MAP3K20: variants seen among roughly 807,000 people sequenced by gnomAD.
The protein encoded by MAP3K20 is mitogen-activated protein kinase kinase kinase 20.
In MAP3K20, 40 loss-of-function variants were observed where a neutral mutation model predicts 85.7. That is an observed-to-expected ratio of 0.47 (90% CI 0.36 to 0.61). The LOEUF is 0.61. Ranked by LOEUF, MAP3K20 falls within the 20% of genes least tolerant of loss-of-function variation. The pLI, the probability that MAP3K20 is intolerant of heterozygous loss-of-function variation, is 0.00. For missense variants in MAP3K20, 817 were observed against 961.7 expected (o/e 0.85, Z 1.99); for synonymous variants, 325 against 327.7 (o/e 0.99, Z 0.09).
intron 2 of MAP3K20, among the ~76,000 whole-genome samples, chr2:173,122,504 A>G: frequency 6.6e-6 from 1 of 152,238 alleles, no homozygotes; most frequent in South Asian, 2.1e-4. Context: ...AGGAGGATTT[A>G]TGGTATATGC....
At chr2:173,186,775 C>T (rs183300974) in intron 4 of MAP3K20, among the ~76,000 whole-genome samples, 42 of 151,722 alleles carry the variant, frequency 2.8e-4, no homozygotes, top group African/African-American at 9.2e-4. Flanking sequence ...GTAGACAATA[C>T]GTAAATACAG....
At chr2:173,242,997 G>A (rs905033269) in intron 16 of MAP3K20, among the ~76,000 whole-genome samples, 5 of 152,080 alleles carry the variant, frequency 3.3e-5, no homozygotes, top group Non-Finnish European at 7.4e-5. Flanking sequence ...GAGCCACCGC[G>A]CCCAGCCCAG....
intron 2 of MAP3K20, among the ~76,000 whole-genome samples, chr2:173,128,202 A>G (rs1688499655): frequency 6.6e-6 from 1 of 152,148 alleles, no homozygotes; most frequent in Non-Finnish European, 1.5e-5. Flanking sequence ...CTTCTCCAGT[A>G]TTTCCAATGA....
At chr2:173,254,850 G>C (rs919933279) in intron 16 of MAP3K20, among the ~76,000 whole-genome samples, 1 of 152,212 alleles carries the variant, frequency 6.6e-6, no homozygotes, top group South Asian at 2.1e-4. Flanking sequence ...ACTAGGCAAC[G>C]ATGACATCAT....
At chr2:173,233,569 A>AC (rs1379844926) in intron 14 of MAP3K20, among the ~76,000 whole-genome samples, 96 of 152,200 alleles carry the variant, frequency 6.3e-4, no homozygotes, top group Non-Finnish European at 9.6e-4. Context: ...CCCCAAACCC[A>AC]CCCCCCATTC....
At chr2:173,264,383 T>C (rs1385795501) in intron 19 of MAP3K20, among the ~76,000 whole-genome samples, 3 of 152,186 alleles carry the variant, frequency 2.0e-5, no homozygotes, top group African/African-American at 7.2e-5. Flanking sequence ...CCATGCTCAA[T>C]AGGCTGCCTT....
intron 1 of MAP3K20, among the ~76,000 whole-genome samples, chr2:173,082,693 C>T (rs1285020665): frequency 1.3e-5 from 2 of 152,232 alleles, no homozygotes; most frequent in African/African-American, 4.8e-5. Flanking sequence ...CCCTAGAAAT[C>T]TCCCCTCTCC....
At chr2:173,181,647 C>G (rs898785047) in intron 3 of MAP3K20, among the ~76,000 whole-genome samples, 1 of 152,134 alleles carries the variant, frequency 6.6e-6, no homozygotes, top group Non-Finnish European at 1.5e-5. Flanking sequence ...TATCTATCAA[C>G]TGGGGACTGA....
At chr2:173,145,002 T>C (rs748848650) in intron 2 of MAP3K20, among the ~76,000 whole-genome samples, 2 of 152,098 alleles carry the variant, frequency 1.3e-5, no homozygotes, top group Non-Finnish European at 2.9e-5. Flanking sequence ...ATCTTTTTAA[T>C]AAATAGTGCT....
At chr2:173,263,667 T>A in intron 18 of MAP3K20, 78 bp from the exon 19 acceptor site, 1 of 1,407,034 alleles carries the variant, frequency 7.1e-7, no homozygotes, top group Non-Finnish European at 9.6e-7. Flanking sequence ...TTCTTTCCCA[T>A]TTTATATATG....
chr2:173,256,588 G>T (rs1409493221), intron 16 of MAP3K20, among the ~76,000 whole-genome samples: 3 of 152,018 alleles, frequency 2.0e-5, no homozygotes, highest in Non-Finnish European at 4.4e-5. Context: ...GGTCAAATTT[G>T]GTACAAAGAC....
intron 10 of MAP3K20, chr2:173,214,314 A>C (rs1264944479): frequency 2.0e-5 from 3 of 152,154 alleles, no homozygotes; most frequent in Admixed American, 6.5e-5. Flanking sequence ...AGAACAGAAA[A>C]TGTGTCATCC....
At chr2:173,137,234 T>C (rs1163167699) in intron 2 of MAP3K20, among the ~76,000 whole-genome samples, 2 of 152,244 alleles carry the variant, frequency 1.3e-5, no homozygotes, top group African/African-American at 2.4e-5. Flanking sequence ...AATTTATATA[T>C]GCAAAATTCC....
chr2:173,264,347 A>AT (rs2106359345), intron 19 of MAP3K20, among the ~76,000 whole-genome samples: 1 of 152,312 alleles, frequency 6.6e-6, no homozygotes, highest in Admixed American at 6.5e-5. Flanking sequence ...AGAGAGTGGA[A>AT]TGAACCTTCC....
intron 17 of MAP3K20, among the ~76,000 whole-genome samples, chr2:173,259,968 G>T (rs1291211474): frequency 1.3e-5 from 2 of 152,126 alleles, no homozygotes; most frequent in Admixed American, 6.6e-5. Flanking sequence ...AGGCTTATAA[G>T]AAAACTAGAA....
At chr2:173,092,532 T>C (rs1687330822) in intron 2 of MAP3K20, among the ~76,000 whole-genome samples, 2 of 152,300 alleles carry the variant, frequency 1.3e-5, no homozygotes, top group Admixed American at 6.5e-5. Flanking sequence ...GCAAATGAAA[T>C]CCAGGAGGCT....
intron 2 of MAP3K20, among the ~76,000 whole-genome samples, chr2:173,113,360 A>G (rs1027354143): frequency 3.9e-5 from 6 of 151,998 alleles, no homozygotes; most frequent in Non-Finnish European, 8.8e-5. Context: ...TGGTTCATTT[A>G]TCTTTTGTAT....
At chr2:173,238,600 A>G (rs1684706557) in intron 15 of MAP3K20, among the ~76,000 whole-genome samples, 165 bp downstream of exon 15, 1 of 152,206 alleles carries the variant, frequency 6.6e-6, no homozygotes. Context: ...GTATAAATTG[A>G]ACACCCTTGT....
At chr2:173,094,916 A>G (rs1466707628) in intron 2 of MAP3K20, among the ~76,000 whole-genome samples, 3 of 152,134 alleles carry the variant, frequency 2.0e-5, no homozygotes, top group African/African-American at 7.3e-5. Flanking sequence ...CTAAGTAAAT[A>G]TCTTTCCTCA....
Sources: gnomAD v4.1 joint callset for allele counts (sites outside exome capture counted in the v4.1 genomes callset) on GRCh38, gnomAD v4.1.1 for gene constraint, MANE v1.5 for transcripts, NCBI Gene and HGNC (gene_info 2026-07-23, HGNC 2026-07-21) for gene names.